Variants in AKAP6 observed in about 807,000 individuals in gnomAD.
The protein encoded by AKAP6 is A-kinase anchoring protein 6.
In AKAP6, 58 loss-of-function variants were observed where a neutral mutation model predicts 188.5. The ratio of observed to expected loss-of-function variants is 0.31; its 90% CI spans 0.25 to 0.38. The LOEUF is 0.38. Ranked by LOEUF, AKAP6 falls within the 10% of genes least tolerant of loss-of-function variation. The pLI is 1.00. For synonymous variants in AKAP6, 989 were observed against 998.6 expected (o/e 0.99, Z 0.18); for missense variants, 2,710 against 2,740.0 (o/e 0.99, Z 0.24).
At chr14:32,724,196 C>A (rs1313406511) in intron 9 of AKAP6, among the ~76,000 whole-genome samples, 2 of 152,112 alleles carry the variant, frequency 1.3e-5, no homozygotes, top group Non-Finnish European at 2.9e-5. Context: ...TTAGTATAAT[C>A]TGCCAATCTG....
At position 32,500,307 on chromosome 14, in the gene AKAP6, G is replaced by A. The variant is rs189805551; in HGVS notation, c.325-35247G>A. On this transcript the variant is annotated intron_variant, in intron 2 of 13. Transcript: ENST00000280979. ...ACATAACCCATGACCTGTTCATTTG[G>A]CAGATTGCCATGAAGTATTTACTTG... 2.5e-3 allele frequency among the ~76,000 whole-genome samples: 388 copies of A among 152,258 alleles called. 2 individuals are homozygous for A. The highest frequency in any genetic ancestry group is 8.0e-3 in the African/African-American group (334 of 41,552).
chr14:32,565,679 A>G (rs892433539), intron 4 of AKAP6, among the ~76,000 whole-genome samples: 2 of 152,168 alleles, frequency 1.3e-5, no homozygotes, highest in Non-Finnish European at 2.9e-5. Context: ...TGACCATTCC[A>G]TTGTCTTCAG....
intron 9 of AKAP6, among the ~76,000 whole-genome samples, chr14:32,709,226 C>G (rs1459321063): frequency 6.6e-6 from 1 of 152,020 alleles, no homozygotes; most frequent in Non-Finnish European, 1.5e-5. Context: ...CCAGAAATCT[C>G]ATGTGACAGC....
At position 32,520,650 on chromosome 14, in the gene AKAP6, G is replaced by A. The variant is rs558892147; in HGVS notation, c.325-14904G>A. Among the ~76,000 whole-genome samples, 8 of 152,276 alleles carry A rather than the reference G, an allele frequency of 5.3e-5. No individual in the cohort carries two copies. The South Asian group carries it at 1.2e-3, about 24-fold the overall frequency. Reference sequence around the variant, plus strand: ...CACCCTCCCAAGACTAAACCAGGAAGAAGTTGAATCTCTTAAACCAATAAC... The same window carrying A: ...CACCCTCCCAAGACTAAACCAGGAAAAAGTTGAATCTCTTAAACCAATAAC... On this transcript the variant is annotated intron_variant, in intron 2 of 13. Coordinates refer to ENST00000280979, the MANE Select transcript of AKAP6 (RefSeq NM_004274.5).
intron 12 of AKAP6, among the ~76,000 whole-genome samples, chr14:32,798,148 C>T (rs2033832080): frequency 6.6e-6 from 1 of 151,822 alleles, no homozygotes; most frequent in Admixed American, 6.6e-5. Flanking sequence ...AAAAAGTGTT[C>T]AATATCATTA....
chr14:32,822,751 A>C lies in AKAP6; in HGVS notation c.4938A>C (p.Ser1646=), dbSNP rs760161067. The part of the protein sequence containing the change: ...LNRLENIQSP[S]EQKIKRSVSD... ...GTTTGGAGAATATCCAGAGCCCCTC[A>C]GAGCAAAAGATAAAACGAAGTGTTT... Residue 1646 remains serine, a synonymous_variant, in exon 13 of 14, where the codon TCA becomes TCC. Transcript: ENST00000280979. 1 of 1,613,942 alleles carries C rather than the reference A, an allele frequency of 6.2e-7. No individual in the cohort carries two copies. The highest frequency in any genetic ancestry group is 1.7e-5 in the Admixed American group (1 of 59,934).
chr14:32,791,549 A>C (rs2033610802), intron 12 of AKAP6, among the ~76,000 whole-genome samples: 1 of 151,620 alleles, frequency 6.6e-6, no homozygotes, highest in South Asian at 2.1e-4. Flanking sequence ...GATTGCAAAA[A>C]TTTTCTCCCA....
intron 5 of AKAP6, 117 bp downstream of exon 5, chr14:32,577,359 C>T (rs1884775545): frequency 2.2e-6 from 3 of 1,348,854 alleles, no homozygotes; most frequent in Non-Finnish European, 3.0e-6. Context: ...TCAATGAAAC[C>T]AAATTTTAAT....
At chr14:32,740,018 A>G (rs892511077) in intron 11 of AKAP6, among the ~76,000 whole-genome samples, 2 of 152,068 alleles carry the variant, frequency 1.3e-5, no homozygotes, top group Admixed American at 6.5e-5. Flanking sequence ...CCTTTTCTCC[A>G]CATCCTCGCC....
At chr14:32,811,241 G>GAA (rs529886144) in intron 12 of AKAP6, among the ~76,000 whole-genome samples, 22,263 of 55,584 alleles carry the variant, frequency 0.4, 4,367 homozygotes, top group East Asian at 0.62. Context: ...TCCGTCTCAG[G>GAA]AAAAAAAAAA....
chr14:32,393,375 A>G (rs997260281), intron 1 of AKAP6, among the ~76,000 whole-genome samples: 5 of 152,170 alleles, frequency 3.3e-5, no homozygotes, highest in African/African-American at 1.2e-4. Context: ...CAAAACTGTC[A>G]TGGTCATAAA....
chr14:32,352,824 G>A (rs182076903), intron 1 of AKAP6, among the ~76,000 whole-genome samples: 6 of 152,250 alleles, frequency 3.9e-5, no homozygotes, highest in South Asian at 2.1e-4. Flanking sequence ...GGTTGATTCC[G>A]TATCTTGGCT....
chr14:32,684,971 C>T (rs912917830), intron 8 of AKAP6, among the ~76,000 whole-genome samples: 2 of 151,964 alleles, frequency 1.3e-5, no homozygotes, highest in African/African-American at 4.8e-5. Flanking sequence ...GAACAATGGG[C>T]GGGGCTGGGC....
intron 1 of AKAP6, among the ~76,000 whole-genome samples, chr14:32,404,103 A>T (rs371612163): frequency 6.6e-6 from 1 of 151,958 alleles, no homozygotes; most frequent in Non-Finnish European, 1.5e-5. Context: ...CCCATGAAAT[A>T]TTTTTTTTGA....
chr14:32,637,033 T>C (rs910017377), intron 7 of AKAP6, among the ~76,000 whole-genome samples: 9 of 151,974 alleles, frequency 5.9e-5, no homozygotes, highest in Non-Finnish European at 1.3e-4. Context: ...CAAGAGATGT[T>C]AGGGAGGTAA....
chr14:32,730,188 AG>A (rs2031104143), intron 9 of AKAP6, among the ~76,000 whole-genome samples: 1 of 152,206 alleles, frequency 6.6e-6, no homozygotes, highest in Non-Finnish European at 1.5e-5. Context: ...ATAACATTTT[AG>A]TACCTTTCAT....
chr14:32,758,098 A>G (rs1248355645), intron 11 of AKAP6, among the ~76,000 whole-genome samples: 2 of 152,196 alleles, frequency 1.3e-5, no homozygotes, highest in African/African-American at 2.4e-5. Flanking sequence ...CATGCCCTTT[A>G]TAGTATTATA....
chr14:32,577,328 T>G lies in AKAP6; in HGVS notation c.2469+86T>G, dbSNP rs1406234029. The G allele has an allele frequency of 1.9e-6, 3 of 1,540,594 alleles. No individual in the cohort carries two copies. The African/African-American group carries it at 4.2e-5, about 22-fold the overall frequency. ...TTGTTTATGAGAAATATCAATTTTA[T>G]TTATCAAAGGTTACTATATGTCAAT... On this transcript the variant is annotated intron_variant, in intron 5 of 13. Coordinates refer to ENST00000280979, the MANE Select transcript of AKAP6 (RefSeq NM_004274.5).
chr14:32,503,987 A>G (rs1880735343), intron 2 of AKAP6, among the ~76,000 whole-genome samples: 1 of 151,740 alleles, frequency 6.6e-6, no homozygotes, highest in Non-Finnish European at 1.5e-5. Flanking sequence ...TAATTATTTT[A>G]TAAGTATACA....
Sources: gnomAD v4.1 joint callset for allele counts (sites outside exome capture counted in the v4.1 genomes callset) on GRCh38, gnomAD v4.1.1 for gene constraint, MANE v1.5 for transcripts, NCBI Gene and HGNC (gene_info 2026-07-23, HGNC 2026-07-21) for gene names.